Variants in CASR observed in about 807,000 individuals in gnomAD.
The protein encoded by CASR is calcium sensing receptor.
Under a neutral mutation model 69.1 loss-of-function variants are expected in CASR, and 23 were observed. The ratio of observed to expected loss-of-function variants is 0.33; its 90% confidence interval spans 0.24 to 0.47. The LOEUF is 0.47. CASR is among the 20% of genes least tolerant of loss of function. CASR has a pLI of 1.00. For missense variants in CASR, 924 were observed against 1,356.1 expected (o/e 0.68, Z 5.00); for synonymous variants, 541 against 544.7 (o/e 0.99, Z 0.10).
chr3:122,210,265 A>G (rs4678119), intron 1 of CASR, among the ~76,000 whole-genome samples: 23,783 of 152,012 alleles, frequency 0.16, 1,893 homozygotes, highest in Non-Finnish European at 0.17. Context: ...AAGAAATAAA[A>G]TCATCCAAAT....
chr3:122,245,762 G>T (rs2074421841), intron 1 of CASR, among the ~76,000 whole-genome samples: 1 of 152,160 alleles, frequency 6.6e-6, no homozygotes, highest in African/African-American at 2.4e-5. Context: ...AAGTCGGCCA[G>T]GTCTGGACCA....
Position 122,275,824 on chromosome 3 carries a change from C to G in CASR, c.1390C>G (p.Leu464Val), listed in dbSNP as rs778165189. Residue 464 changes from leucine (L) to valine (V), a missense_variant, in exon 5 of 7, where the codon CTA becomes GTA. Leu to Val is a conservative substitution (Grantham distance 32). Around this residue, in one of 8 missense-constraint regions of CASR, gnomAD observed 310 missense variants for 395.7 expected, o/e 0.78. Coordinates refer to ENST00000639785, the MANE Select transcript of CASR (RefSeq NM_000388.4). Reference sequence around the variant, plus strand: ...TGCTCCTCTTTAGGTCCTGAAGCACCTACGGCATCTAAACTTTACAAACAA... The same window carrying G: ...TGCTCCTCTTTAGGTCCTGAAGCACGTACGGCATCTAAACTTTACAAACAA... ...KVEAWQVLKH[L>V]RHLNFTNNMG... 2 of 1,613,268 alleles carry G rather than the reference C, an allele frequency of 1.2e-6. No individual in the cohort carries two copies. The highest frequency in any genetic ancestry group is 1.7e-6 in the Non-Finnish European group (2 of 1,179,252).
chr3:122,209,173 C>T (rs1214836263), intron 1 of CASR, among the ~76,000 whole-genome samples: 1 of 152,118 alleles, frequency 6.6e-6, no homozygotes, highest in African/African-American at 2.4e-5. Flanking sequence ...CCAGTTGATG[C>T]TGATGCTGCT....
intron 1 of CASR, among the ~76,000 whole-genome samples, chr3:122,241,538 A>G (rs1006932732): frequency 6.6e-6 from 1 of 152,236 alleles, no homozygotes; most frequent in East Asian, 1.9e-4. Context: ...GTCACAATAA[A>G]AAGTCTCCTA....
chr3:122,252,526 C>T (rs1276579261), intron 1 of CASR, among the ~76,000 whole-genome samples: 3 of 119,390 alleles, frequency 2.5e-5, no homozygotes, highest in East Asian at 2.3e-4. Flanking sequence ...AGAAAGAAGG[C>T]GGGGAGGGGA....
chr3:122,256,956 A>G (rs1340085175), intron 2 of CASR, 125 bp from the exon 3 acceptor site: 11 of 817,902 alleles, frequency 1.3e-5, no homozygotes, highest in Non-Finnish European at 2.1e-5. Flanking sequence ...GGCTCTGTAC[A>G]GAGCATGCCA....
chr3:122,244,750 AATTTT>A (rs66562005), intron 1 of CASR, among the ~76,000 whole-genome samples: 11,383 of 152,134 alleles, frequency 0.075, 940 homozygotes, highest in East Asian at 0.48. Context: ...CTTCAATTAA[AATTTT>A]ATTTTAAGAG....
rs114450530 is a variant in CASR, at chr3:122,279,537, G to T, written c.1609-2576G>T. Among the ~76,000 whole-genome samples, 1,133 of 152,256 alleles carry T rather than the reference G, an allele frequency of 7.4e-3. 9 individuals carry two copies. The highest frequency in any genetic ancestry group is 0.026 in the African/African-American group (1,093 of 41,546). On this transcript the variant is annotated intron_variant, in intron 5 of 6. Transcript: ENST00000639785. ...TAGTAGAGTTAGTGGTGAATGTACAGGAACGTAATGATAGCCAAACTTTAC... is the reference window on the plus strand; with the variant it reads ...TAGTAGAGTTAGTGGTGAATGTACATGAACGTAATGATAGCCAAACTTTAC...
chr3:122,188,685 A>G (rs1477964556), intron 1 of CASR, among the ~76,000 whole-genome samples: 1 of 152,100 alleles, frequency 6.6e-6, no homozygotes, highest in East Asian at 1.9e-4. Flanking sequence ...CCTATTTGTC[A>G]TTGCCTTGAA....
chr3:122,276,758 T>TTG (rs2074826496), intron 5 of CASR, among the ~76,000 whole-genome samples: 1 of 152,348 alleles, frequency 6.6e-6, no homozygotes, highest in African/African-American at 2.4e-5. Context: ...AGGAGGATGC[T>TTG]TGTGTGTCTG....
chr3:122,217,685 A>G (rs7613238), intron 1 of CASR, among the ~76,000 whole-genome samples: 72,892 of 151,978 alleles, frequency 0.48, 18,365 homozygotes, highest in African/African-American at 0.57. Context: ...AGAAGTTCTC[A>G]TGCTGCACAA....
chr3:122,216,265 C>G (rs2074116824), intron 1 of CASR, among the ~76,000 whole-genome samples: 1 of 152,138 alleles, frequency 6.6e-6, no homozygotes, highest in African/African-American at 2.4e-5. Flanking sequence ...CACGTTTGTC[C>G]CTTCAGGGCT....
intron 1 of CASR, among the ~76,000 whole-genome samples, chr3:122,249,207 A>G (rs1050767281): frequency 6.6e-6 from 1 of 152,254 alleles, no homozygotes; most frequent in Non-Finnish European, 1.5e-5. Flanking sequence ...CCTTGGCCTC[A>G]TGAAGTTTCT....
At chr3:122,233,675 G>T (rs764870631) in intron 1 of CASR, among the ~76,000 whole-genome samples, 5 of 152,110 alleles carry the variant, frequency 3.3e-5, no homozygotes, top group Non-Finnish European at 7.4e-5. Flanking sequence ...CCCAGATTAC[G>T]CATGGGCTAC....
At position 122,254,254 on chromosome 3, in the gene CASR, C is replaced by T. The variant is rs2074529001; in HGVS notation, c.65C>T (p.Pro22Leu). The change falls in exon 2 of 7, where the codon CCA becomes CTA. Residue 22 changes from proline (P) to leucine (L), a missense_variant. Transcript: ENST00000639785. ...ALTWHTSAYGPDQRAQKKGDI... is the reference protein window; with the variant it reads ...ALTWHTSAYGLDQRAQKKGDI... ...ACCTGGCACACCTCTGCCTACGGGC[C>T]AGACCAGCGAGCCCAAAAGAAGGGG... The T allele has an allele frequency of 6.2e-7, 1 of 1,613,912 alleles. No homozygotes were observed. The highest frequency in any genetic ancestry group is 8.5e-7 in the Non-Finnish European group (1 of 1,180,034).
chr3:122,210,339 C>T (rs561715031), intron 1 of CASR, among the ~76,000 whole-genome samples: 22 of 152,292 alleles, frequency 1.4e-4, no homozygotes, highest in African/African-American at 5.3e-4. Flanking sequence ...TAGAAAACCC[C>T]ATTGTCCCAT....
chr3:122,198,691 G>T (rs1316855444), intron 1 of CASR, among the ~76,000 whole-genome samples: 1 of 151,856 alleles, frequency 6.6e-6, no homozygotes, highest in Non-Finnish European at 1.5e-5. Flanking sequence ...GTTTCTTAGT[G>T]AATTACATAG....
At chr3:122,277,809 C>A (rs1335363831) in intron 5 of CASR, among the ~76,000 whole-genome samples, 2 of 152,168 alleles carry the variant, frequency 1.3e-5, no homozygotes, top group East Asian at 3.8e-4. Context: ...ATCTCCTGTA[C>A]AGTTCTCCAT....
intron 2 of CASR, among the ~76,000 whole-genome samples, chr3:122,255,863 C>T (rs1041534461): frequency 1.3e-5 from 2 of 151,612 alleles, no homozygotes; most frequent in East Asian, 1.9e-4. Flanking sequence ...TATCTCACCT[C>T]CTGTCACTGT....
Sources: allele counts gnomAD v4.1 joint callset (sites outside exome capture counted in the v4.1 genomes callset), GRCh38; gene constraint gnomAD v4.1.1; regional missense constraint gnomAD v4.1.1; transcripts MANE v1.5; gene names NCBI Gene and HGNC (gene_info 2026-07-23, HGNC 2026-07-21).